Variants in NECAB1 observed in about 807,000 individuals in gnomAD.
The protein encoded by NECAB1 is N-terminal EF-hand calcium-binding protein 1.
A neutral mutation model predicts 57.5 loss-of-function variants in NECAB1; 29 were observed. The observed-to-expected ratio is 0.50, with a 90% CI of 0.38 to 0.69. The LOEUF (loss-of-function observed/expected upper bound fraction) is 0.69. Ranked by LOEUF, NECAB1 falls within the 30% of genes least tolerant of loss-of-function variation. NECAB1 has a pLI of 0.00. For synonymous variants in NECAB1, 142 were observed against 147.7 expected (o/e 0.96, Z 0.28); for missense variants, 372 against 413.8 (o/e 0.90, Z 0.88).
At chr8:90,947,403 TTTC>T (rs1301641762) in intron 10 of NECAB1, among the ~76,000 whole-genome samples, 1 of 109,092 alleles carries the variant, frequency 9.2e-6, no homozygotes, top group African/African-American at 5.4e-5. Context: ...TTTTTTTTTT[TTTC>T]TTTTTTTTTT....
intron 1 of NECAB1, among the ~76,000 whole-genome samples, chr8:90,796,287 T>C (rs531427769): frequency 8.5e-5 from 13 of 152,240 alleles, no homozygotes; most frequent in South Asian, 2.1e-4. Context: ...CACCAGGCAT[T>C]CTAATGGGAG....
intron 5 of NECAB1, among the ~76,000 whole-genome samples, chr8:90,911,202 C>A (rs1448865236): frequency 1.3e-5 from 2 of 151,798 alleles, no homozygotes; most frequent in Non-Finnish European, 2.9e-5. Context: ...CAGACTCATA[C>A]AAATTTGAGG....
intron 1 of NECAB1, among the ~76,000 whole-genome samples, chr8:90,797,547 T>A (rs968798235): frequency 6.6e-6 from 1 of 152,216 alleles, no homozygotes; most frequent in Non-Finnish European, 1.5e-5. Flanking sequence ...TCTGGTTATT[T>A]AACTATAACT....
At chr8:90,928,493 C>T (rs2130182153) in intron 8 of NECAB1, among the ~76,000 whole-genome samples, 194 bp downstream of exon 8, 1 of 152,246 alleles carries the variant, frequency 6.6e-6, no homozygotes, top group Admixed American at 6.5e-5. Flanking sequence ...TACATTAATT[C>T]TCCCCCTACC....
At chr8:90,900,910 T>C (rs1809485580) in intron 5 of NECAB1, among the ~76,000 whole-genome samples, 1 of 152,374 alleles carries the variant, frequency 6.6e-6, no homozygotes, top group African/African-American at 2.4e-5. Context: ...AGTTTCTTGA[T>C]GATTTTTCAG....
At chr8:90,854,915 T>C (rs1389238993) in intron 3 of NECAB1, among the ~76,000 whole-genome samples, 2 of 152,348 alleles carry the variant, frequency 1.3e-5, no homozygotes, top group Non-Finnish European at 2.9e-5. Context: ...AAGAGTCCTC[T>C]AGTTACCCTG....
chr8:90,795,182 T>G (rs551928673), intron 1 of NECAB1, among the ~76,000 whole-genome samples: 1 of 152,342 alleles, frequency 6.6e-6, no homozygotes, highest in East Asian at 1.9e-4. Flanking sequence ...CTATGTAGCA[T>G]GTGTCTCCTC....
chr8:90,929,856 G>A (rs879433440), intron 8 of NECAB1, among the ~76,000 whole-genome samples: 5 of 152,190 alleles, frequency 3.3e-5, no homozygotes, highest in Non-Finnish European at 5.9e-5. Flanking sequence ...GATGGCATCT[G>A]CAAGGTTCAG....
chr8:90,824,879 T>G, intron 3 of NECAB1, 54 bp downstream of exon 3: 2 of 884,492 alleles, frequency 2.3e-6, no homozygotes, highest in Non-Finnish European at 3.4e-6. Context: ...AGAGCGTGAA[T>G]GCATTCATGT....
intron 10 of NECAB1, among the ~76,000 whole-genome samples, chr8:90,946,272 T>G (rs1465311516): frequency 6.6e-6 from 1 of 152,238 alleles, no homozygotes; most frequent in East Asian, 1.9e-4. Flanking sequence ...CTGCATCTGC[T>G]TCTTGTCAGT....
chr8:90,838,301 G>A (rs1012670552), intron 3 of NECAB1, among the ~76,000 whole-genome samples: 1 of 152,034 alleles, frequency 6.6e-6, no homozygotes, highest in African/African-American at 2.4e-5. Flanking sequence ...AGTTCCCATA[G>A]CATATTTCTA....
At chr8:90,833,046 C>T (rs1485500695) in intron 3 of NECAB1, among the ~76,000 whole-genome samples, 1 of 152,054 alleles carries the variant, frequency 6.6e-6, no homozygotes, top group Non-Finnish European at 1.5e-5. Context: ...TTTCTCTTCT[C>T]TTTTTATATC....
chr8:90,798,502 A>C (rs891991714), intron 1 of NECAB1, among the ~76,000 whole-genome samples: 1 of 152,060 alleles, frequency 6.6e-6, no homozygotes. Context: ...CTTTATGTTC[A>C]TGTGTACCCA....
At chr8:90,912,712 T>A (rs1426676917) in intron 5 of NECAB1, among the ~76,000 whole-genome samples, 1 of 151,990 alleles carries the variant, frequency 6.6e-6, no homozygotes, top group Non-Finnish European at 1.5e-5. Flanking sequence ...AAATTTGATA[T>A]AGTGGTCTCC....
chr8:90,921,540 G>A (rs1810110948), intron 6 of NECAB1, among the ~76,000 whole-genome samples: 1 of 152,060 alleles, frequency 6.6e-6, no homozygotes, highest in Non-Finnish European at 1.5e-5. Context: ...GCATGGTGGT[G>A]GCAGATACCT....
chr8:90,943,800 G>A (rs1810731473), intron 10 of NECAB1, among the ~76,000 whole-genome samples: 1 of 152,208 alleles, frequency 6.6e-6, no homozygotes, highest in South Asian at 2.1e-4. Flanking sequence ...TGCCCAGGCT[G>A]TAGTGCAGTG....
intron 5 of NECAB1, among the ~76,000 whole-genome samples, chr8:90,914,195 A>G (rs745974817): frequency 1.3e-5 from 2 of 152,250 alleles, no homozygotes; most frequent in African/African-American, 2.4e-5. Context: ...CCCTGTGCTT[A>G]AAGAGCTAGC....
intron 5 of NECAB1, among the ~76,000 whole-genome samples, chr8:90,903,058 A>G (rs1329252204): frequency 2.6e-5 from 4 of 152,026 alleles, no homozygotes; most frequent in African/African-American, 7.2e-5. Context: ...ATTGACATGG[A>G]AAGATGTATG....
chr8:90,843,412 CT>C (rs1812490786), intron 3 of NECAB1, among the ~76,000 whole-genome samples: 2 of 152,174 alleles, frequency 1.3e-5, no homozygotes, highest in Admixed American at 6.5e-5. Flanking sequence ...AGAGAAGGAT[CT>C]TTTTATGCTT....
Sources: gnomAD v4.1 joint callset for allele counts (sites outside exome capture counted in the v4.1 genomes callset) on GRCh38, gnomAD v4.1.1 for gene constraint, MANE v1.5 for transcripts, NCBI Gene and HGNC (gene_info 2026-07-23, HGNC 2026-07-21) for gene names.